Variants in OR5B2 observed in about 807,000 individuals in gnomAD.
OR5B2 encodes olfactory receptor 5B2.
For synonymous variants in OR5B2, 163 were observed against 140.8 expected, an observed-to-expected ratio of 1.16 and a Z score of -1.11; for missense variants, 411 against 367.0, an observed-to-expected ratio of 1.12 and a Z score of -0.98.
At position 58,421,259 on chromosome 11, in the gene OR5B2, T is replaced by C. The variant is rs1447412561; in HGVS notation, c.*1073A>G. 3 of 152,214 alleles carry C rather than the reference T, an allele frequency of 2.0e-5. No homozygotes were observed. Among genetic ancestry groups the C allele is most frequent in the South Asian group, 4.2e-4 (2 of 4,816 alleles). 9.4% of individuals were successfully genotyped at this position (152,214 alleles called of 1,614,324 possible). Reference sequence around the variant, plus strand: ...CAGGTGTTTATAGCGGCTTTATTCATAACTGCCAACACTAGGGAAGCAACC... The same window carrying C: ...CAGGTGTTTATAGCGGCTTTATTCACAACTGCCAACACTAGGGAAGCAACC... On this transcript the variant is annotated 3_prime_UTR_variant, in exon 3 of 3. Transcript: ENST00000641342.
At position 58,423,102 on chromosome 11, in the gene OR5B2, G is replaced by A. The variant is rs201988296; in HGVS notation, c.160C>T (p.His54Tyr). The change falls in exon 3 of 3, where the codon CAC (histidine) becomes TAC (tyrosine). Residue 54 changes from histidine (H) to tyrosine (Y), a missense_variant. By Grantham distance (83) the His-to-Tyr change is moderately conservative (BLOSUM62 2). Coordinates refer to ENST00000641342, the MANE Select transcript of OR5B2 (RefSeq NM_001005566.3). ...CTGAGGAAAAAGTACATGGGGGTGT[G>A]GAGACAAGAGTCCATCAGGATCAGC... ...MLLILMDSCL[H>Y]TPMYFFLSNL... 8.7e-6 allele frequency: 14 copies of A among 1,613,586 alleles called. No individual in the cohort carries two copies. Among genetic ancestry groups the A allele is most frequent in the African/African-American group, 1.3e-5 (1 of 74,846 alleles).
chr11:58,423,032 G>C lies in OR5B2; in HGVS notation c.230C>G (p.Pro77Arg). 6.2e-7 allele frequency: 1 copy of C among 1,613,560 alleles called. No individual in the cohort carries two copies. Among genetic ancestry groups the C allele is most frequent in the Non-Finnish European group, 8.5e-7 (1 of 1,179,616 alleles). ...TCTAAGGAACCCAGCCATGACCTTG[G>C]GAGTGACAGCTGAGGAGTATCCAAA... ...VDFGYSSAVT[P>R]KVMAGFLRGD... Residue 77 changes from proline (P) to arginine (R), a missense_variant, in exon 3 of 3, where the codon CCC becomes CGC. By Grantham distance (103) the Pro-to-Arg change is moderately radical (BLOSUM62 -2). Transcript: ENST00000641342.
At chr11:58,424,238 CTATAATATT>C (rs1855314052) in intron 2 of OR5B2, among the ~76,000 whole-genome samples, 1 of 152,106 alleles carries the variant, frequency 6.6e-6, no homozygotes, top group South Asian at 2.1e-4. Flanking sequence ...TGAGAGCTAG[CTATAATATT>C]ATCGTTAGAA....
chr11:58,423,073 G>A lies in OR5B2; in HGVS notation c.189C>T (p.Asn63=). Residue 63 remains asparagine (N), a synonymous_variant, in exon 3 of 3, where the codon AAC becomes AAT. Coordinates refer to ENST00000641342, the MANE Select transcript of OR5B2 (RefSeq NM_001005566.3). ...AGTATCCAAAGTCCACCAGAGACAG[G>A]TTACTGAGGAAAAAGTACATGGGGG... ...LHTPMYFFLS[N]LSLVDFGYSS... is the part of the protein sequence containing the mutation. The A allele has an allele frequency of 5.0e-6, 8 of 1,613,728 alleles. No individual in the cohort carries two copies. The highest frequency in any genetic ancestry group is 1.7e-4 in the Middle Eastern group (1 of 6,058).
At chr11:58,427,821 C>T (rs1855355711) in intron 1 of OR5B2, among the ~76,000 whole-genome samples, 198 bp downstream of exon 1, 1 of 152,092 alleles carries the variant, frequency 6.6e-6, no homozygotes, top group Non-Finnish European at 1.5e-5. Context: ...AAACCTGGAT[C>T]AGACTTGGGG....
rs765886541 is a variant in OR5B2, at chr11:58,422,640, C to T, written c.622G>A (p.Val208Ile). 1.9e-6 allele frequency: 3 copies of T among 1,613,032 alleles called. No individual in the cohort carries two copies. The South Asian group carries it at 3.3e-5, about 18-fold the overall frequency. ...VFMSSFNIFF[V>I]LLVIFISYLF... The stretch of plus-strand genomic sequence containing the variant: ...TAGGAGATAAAGATAACTAGAAGAA[C>T]AAAAAAGATATTAAAGCTTGACATA... Residue 208 changes from valine to isoleucine, a missense_variant, in exon 3 of 3, where the codon GTT becomes ATT. Physicochemically the swap from Val to Ile is conservative, Grantham distance 29 (BLOSUM62 3). Transcript: ENST00000641342.
Position 58,422,484 on chromosome 11 carries a change from G to T in OR5B2, c.778C>A (p.Pro260Thr). The T allele has an allele frequency of 6.2e-7, 1 of 1,613,754 alleles. No individual in the cohort carries two copies. The highest frequency in any genetic ancestry group is 8.5e-7 in the Non-Finnish European group (1 of 1,179,866). The change falls in exon 3 of 3, where the codon CCC becomes ACC. Residue 260 changes from proline (P) to threonine (T), a missense_variant. Transcript: ENST00000641342. ...GTGTCCATGGAGTGGCTGGAGCTGGGCTGCAAGTAGATGAAGATTACTGTC... is the reference window on the plus strand; with the variant it reads ...GTGTCCATGGAGTGGCTGGAGCTGGTCTGCAAGTAGATGAAGATTACTGTC... ...YGTVIFIYLQPSSSHSMDTDK... is the reference protein window; with the variant it reads ...YGTVIFIYLQTSSSHSMDTDK...
chr11:58,423,546 G>T (rs1290406574), intron 2 of OR5B2, among the ~76,000 whole-genome samples: 1 of 152,106 alleles, frequency 6.6e-6, no homozygotes, highest in African/African-American at 2.4e-5. Flanking sequence ...TATATTTAAT[G>T]ATGTGTCCAA....
At chr11:58,425,053 A>G (rs1855321859) in intron 2 of OR5B2, among the ~76,000 whole-genome samples, 1 of 152,126 alleles carries the variant, frequency 6.6e-6, no homozygotes, top group South Asian at 2.1e-4. Context: ...CTACTTCACA[A>G]TGAGCATTAG....
intron 1 of OR5B2, among the ~76,000 whole-genome samples, chr11:58,427,356 G>T (rs988185422): frequency 6.6e-6 from 1 of 152,184 alleles, no homozygotes; most frequent in African/African-American, 2.4e-5. Context: ...TTTCCTGGCA[G>T]AAATCAGACA....
chr11:58,426,165 T>C lies in OR5B2; in HGVS notation c.-29+457A>G, dbSNP rs776098580. 3.9e-5 allele frequency among the ~76,000 whole-genome samples: 6 copies of C among 151,942 alleles called. No homozygotes were observed. In the South Asian group the frequency reaches 1.2e-3, roughly 31 times the overall value. ...GGATTTTTTGTGTGTATAAGGGTTT[T>C]GTTTTTTGTTTTTTTGCTTTTATTT... On this transcript the variant is annotated intron_variant, in intron 2 of 2. Transcript: ENST00000641342.
At chr11:58,425,666 C>T (rs752666407) in intron 2 of OR5B2, among the ~76,000 whole-genome samples, 35 of 152,058 alleles carry the variant, frequency 2.3e-4, no homozygotes, top group Non-Finnish European at 4.6e-4. Context: ...CATCAATAAA[C>T]TAAATTAAAT....
At chr11:58,425,848 T>C (rs1179364559) in intron 2 of OR5B2, among the ~76,000 whole-genome samples, 1 of 152,150 alleles carries the variant, frequency 6.6e-6, no homozygotes, top group African/African-American at 2.4e-5. Flanking sequence ...GCTGTGTGTG[T>C]ATGTGCGTGT....
intron 2 of OR5B2, among the ~76,000 whole-genome samples, chr11:58,426,343 G>T (rs1464365040): frequency 6.6e-6 from 1 of 151,740 alleles, no homozygotes; most frequent in Non-Finnish European, 1.5e-5. Context: ...TCCACCCTTC[G>T]ATAGGCACCA....
At chr11:58,423,351 A>T (rs1855303587) in intron 2 of OR5B2, 62 bp from the exon 3 acceptor site, 1 of 735,004 alleles carries the variant, frequency 1.4e-6, no homozygotes, top group Admixed American at 2.6e-5. Flanking sequence ...AGAAATATAT[A>T]AATACTATAT....
chr11:58,423,028 C>T lies in OR5B2; in HGVS notation c.234G>A (p.Lys78=), dbSNP rs146758345. 5 of 1,613,628 alleles carry T rather than the reference C, an allele frequency of 3.1e-6. No individual in the cohort carries two copies. The highest frequency in any genetic ancestry group is 1.7e-5 in the Admixed American group (1 of 59,938). Reference sequence around the variant, plus strand: ...CTCCTCTAAGGAACCCAGCCATGACCTTGGGAGTGACAGCTGAGGAGTATC... The same window carrying T: ...CTCCTCTAAGGAACCCAGCCATGACTTTGGGAGTGACAGCTGAGGAGTATC... ...DFGYSSAVTP[K]VMAGFLRGDK... Residue 78 remains lysine (K), a synonymous_variant, in exon 3 of 3, where the codon AAG becomes AAA. Coordinates refer to ENST00000641342, the MANE Select transcript of OR5B2 (RefSeq NM_001005566.3).
Position 58,422,228 on chromosome 11 carries a change from A to T in OR5B2, c.*104T>A. ...AAGAGGTAAGAATATCACCTCATGAACTTAAATGTATTGTGGGGTTTCAAA... is the reference window on the plus strand; with the variant it reads ...AAGAGGTAAGAATATCACCTCATGATCTTAAATGTATTGTGGGGTTTCAAA... On this transcript the variant is annotated 3_prime_UTR_variant, in exon 3 of 3. Coordinates refer to ENST00000641342, the MANE Select transcript of OR5B2 (RefSeq NM_001005566.3). 1 of 653,458 alleles carries T rather than the reference A, an allele frequency of 1.5e-6. No homozygotes were observed. Among genetic ancestry groups the T allele is most frequent in the Non-Finnish European group, 2.7e-6 (1 of 372,944 alleles). 40.5% of individuals were successfully genotyped at this position (653,458 alleles called of 1,614,324 possible). A position where few individuals can be genotyped will look rare whatever the true frequency, so the allele number is the denominator to read the frequency against.
In OR5B2 at chr11:58,423,138, C is replaced by A; in HGVS notation, c.124G>T (p.Gly42Trp). The A allele has an allele frequency of 1.2e-6, 2 of 1,613,572 alleles. No homozygotes were observed. The highest frequency in any genetic ancestry group is 2.2e-5 in the South Asian group (2 of 91,054). The part of the protein sequence containing the change: ...IYLLTLCGNL[G>W]MMLLILMDSC... ...TCCATCAGGATCAGCAACATCATCC[C>A]CAGGTTCCCACACAGAGTGAGGAGG... The change falls in exon 3 of 3, where the codon GGG (glycine) becomes TGG (tryptophan). Residue 42 changes from glycine (G) to tryptophan (W), a missense_variant. Physicochemically the swap from Gly to Trp is radical, Grantham distance 184. Coordinates refer to ENST00000641342, the MANE Select transcript of OR5B2 (RefSeq NM_001005566.3).
chr11:58,422,697 C>A lies in OR5B2; in HGVS notation c.565G>T (p.Asp189Tyr), dbSNP rs886285083. The A allele has an allele frequency of 1.2e-6, 2 of 1,613,628 alleles. No individual in the cohort carries two copies. The highest frequency in any genetic ancestry group is 1.3e-5 in the African/African-American group (1 of 75,008). Residue 189 changes from aspartate to tyrosine, a missense_variant, in exon 3 of 3, where the codon GAT becomes TAT. By Grantham distance (160) the Asp-to-Tyr change is radical. Transcript: ENST00000641342. ...VPAVMALSCS[D>Y]KHTSEVILVF... ...AGAATCACCTCACTAGTGTGTTTATCAGAGCAAGACAGAGCCATGACTGCT... is the reference window on the plus strand; with the variant it reads ...AGAATCACCTCACTAGTGTGTTTATAAGAGCAAGACAGAGCCATGACTGCT...
Sources: allele counts gnomAD v4.1 joint callset (sites outside exome capture counted in the v4.1 genomes callset), GRCh38; gene constraint gnomAD v4.1.1; transcripts MANE v1.5; gene names NCBI Gene and HGNC (gene_info 2026-07-23, HGNC 2026-07-21).